The following REXO5 variants were observed in gnomAD, a reference collection of about 807,000 sequenced individuals.
REXO5 encodes RNA exonuclease 5.
Under a neutral mutation model 88.5 loss-of-function variants are expected in REXO5, and 48 were observed. The observed-to-expected ratio is 0.54, with a 90% CI of 0.43 to 0.69. The LOEUF (loss-of-function observed/expected upper bound fraction) is 0.69. Ranked by LOEUF, REXO5 falls within the 30% of genes least tolerant of loss-of-function variation. The pLI is 0.00. For synonymous variants in REXO5, 311 were observed against 336.5 expected, an observed-to-expected ratio of 0.92 and a Z score of 0.83; for missense variants, 749 against 912.2, an observed-to-expected ratio of 0.82 and a Z score of 2.30.
chr16:20,840,084 T>C, intron 14 of REXO5: 1 of 527,010 alleles, frequency 1.9e-6, no homozygotes, highest in Non-Finnish European at 3.3e-6. Context: ...CATCTTTCTG[T>C]ATCACTACAT....
At chr16:20,841,674 G>A (rs1456352170) in intron 15 of REXO5, among the ~76,000 whole-genome samples, 2 of 151,782 alleles carry the variant, frequency 1.3e-5, no homozygotes, top group Admixed American at 6.6e-5. Flanking sequence ...GTGCCATCTT[G>A]GCTCACCACA....
chr16:20,808,134 A>T (rs2080935311), intron 2 of REXO5, among the ~76,000 whole-genome samples: 1 of 152,122 alleles, frequency 6.6e-6, no homozygotes, highest in Non-Finnish European at 1.5e-5. Context: ...AATGCACTTG[A>T]ATCACCCCGA....
chr16:20,845,681 A>G (rs892880772), intron 18 of REXO5, among the ~76,000 whole-genome samples: 4 of 152,096 alleles, frequency 2.6e-5, no homozygotes, highest in Non-Finnish European at 5.9e-5. Flanking sequence ...AAAGTATACA[A>G]TAACTACATT....
Position 20,825,980 on chromosome 16 carries a change from G to GCC in REXO5, c.821+32_821+33insCC, listed in dbSNP as rs747615498. Reference sequence around the variant, plus strand: ...TTCACCTTGCCTGCAGCTCTTCTAAGAGCTATCGGGCTAGAATGGAATAAT... The same window carrying GCC: ...TTCACCTTGCCTGCAGCTCTTCTAAGCCAGCTATCGGGCTAGAATGGAATAAT... On this transcript the variant is annotated intron_variant, in intron 8 of 19. Transcript: ENST00000261377. The GCC allele has an allele frequency of 1.3e-4, 181 of 1,406,476 alleles. 1 individual carries two copies. In the Admixed American group the frequency reaches 3.1e-3, roughly 24 times the overall value. The allele number at this position is 1,406,476 out of a possible 1,614,324, so 87.1% of individuals were successfully genotyped here. A position where few individuals can be genotyped will look rare whatever the true frequency, so the allele number is the denominator to read the frequency against.
At chr16:20,833,819 T>G (rs2081384160) in intron 13 of REXO5, among the ~76,000 whole-genome samples, 1 of 152,236 alleles carries the variant, frequency 6.6e-6, no homozygotes, top group Non-Finnish European at 1.5e-5. Flanking sequence ...TTATTTTATA[T>G]AACCACATCT....
intron 2 of REXO5, among the ~76,000 whole-genome samples, chr16:20,810,648 G>A (rs2080983562): frequency 6.6e-6 from 1 of 152,082 alleles, no homozygotes; most frequent in Non-Finnish European, 1.5e-5. Flanking sequence ...TGCCCACCTC[G>A]GCTTCGCAAA....
chr16:20,821,956 T>C, intron 6 of REXO5, 54 bp downstream of exon 6: 1 of 1,449,128 alleles, frequency 6.9e-7, no homozygotes, highest in Admixed American at 2.6e-5. Flanking sequence ...TCTAACAGCT[T>C]ATTTAAATAC....
chr16:20,845,299 T>C (rs912542430), intron 18 of REXO5, 58 bp downstream of exon 18: 1 of 1,433,294 alleles, frequency 7.0e-7, no homozygotes, highest in Admixed American at 2.4e-5. Context: ...CAGTGACACT[T>C]AATCCTTTAA....
rs2152497190 is a variant in REXO5, at chr16:20,806,595, C to T, written c.-113C>T. ...CGCCCGTCTTCTCTTCTGCGTTTCCCGGGCTAGGGGGCGTGGGGAGTGGTT... is the reference window on the plus strand; with the variant it reads ...CGCCCGTCTTCTCTTCTGCGTTTCCTGGGCTAGGGGGCGTGGGGAGTGGTT... On this transcript the variant is annotated 5_prime_UTR_variant, in exon 1 of 20. Coordinates refer to ENST00000261377, the MANE Select transcript of REXO5 (RefSeq NM_030941.3). The T allele has an allele frequency of 9.7e-6, 14 of 1,440,666 alleles. No individual in the cohort carries two copies. In the South Asian group the frequency reaches 1.4e-4, roughly 14 times the overall value. 89.2% of individuals were successfully genotyped at this position (1,440,666 alleles called of 1,614,324 possible).
At chr16:20,806,764 G>A in intron 1 of REXO5, 59 bp downstream of exon 1, 2 of 1,065,220 alleles carry the variant, frequency 1.9e-6, no homozygotes, top group South Asian at 1.7e-5. Flanking sequence ...TCCAGTCCGC[G>A]GAACGGGGAG....
At chr16:20,818,743 G>T (rs2081119721) in intron 5 of REXO5, among the ~76,000 whole-genome samples, 2 of 152,188 alleles carry the variant, frequency 1.3e-5, no homozygotes. Context: ...AATGCTGAAA[G>T]TACAGGCGTG....
At chr16:20,808,612 A>AT (rs751042762) in intron 2 of REXO5, among the ~76,000 whole-genome samples, 2,983 of 108,392 alleles carry the variant, frequency 0.028, 93 homozygotes, top group African/African-American at 0.045. Flanking sequence ...TAGGGATGTG[A>AT]TTTTTTTTTT....
At chr16:20,820,526 ATATATATATATATATATATTTTTTT>A (rs1596578073) in intron 5 of REXO5, among the ~76,000 whole-genome samples, 4 of 5,836 alleles carry the variant, frequency 6.9e-4, no homozygotes, top group African/African-American at 3.3e-3. Context: ...ATATATATAT[ATATATATATATATATATATTTTTTT>A]TTTTTTTTTT....
chr16:20,807,039 C>G lies in REXO5; in HGVS notation c.86C>G (p.Ala29Gly), dbSNP rs2080892647. ...GCCCCAAATAAGCTGGTCGGGGCAG[C>G]TGAGGCGATGAAAGCCGGTTGGGAT... The part of the protein sequence containing the change: ...RQAPNKLVGA[A>G]EAMKAGWDLE... The change falls in exon 2 of 20, where the codon GCT becomes GGT. Residue 29 changes from alanine (A) to glycine (G), a missense_variant. Coordinates refer to ENST00000261377, the MANE Select transcript of REXO5 (RefSeq NM_030941.3). 1.2e-6 allele frequency: 2 copies of G among 1,604,158 alleles called. No individual in the cohort carries two copies. The highest frequency in any genetic ancestry group is 1.7e-6 in the Non-Finnish European group (2 of 1,176,182).
intron 5 of REXO5, among the ~76,000 whole-genome samples, chr16:20,816,900 G>A (rs550372284): frequency 6.6e-6 from 1 of 152,370 alleles, no homozygotes; most frequent in African/African-American, 2.4e-5. Context: ...ACTACTCACA[G>A]TGAAGAATAG....
At chr16:20,830,958 AT>A (rs1165090080) in intron 11 of REXO5, among the ~76,000 whole-genome samples, 1 of 144,474 alleles carries the variant, frequency 6.9e-6, no homozygotes, top group African/African-American at 2.6e-5. Context: ...AAGCCATTAT[AT>A]GTTAACACAA....
intron 13 of REXO5, 94 bp from the exon 14 acceptor site, chr16:20,839,661 A>G: frequency 1.4e-6 from 1 of 740,424 alleles, no homozygotes; most frequent in Non-Finnish European, 2.1e-6. Flanking sequence ...ATGCGTAAAA[A>G]GACAACTACT....
rs1199366254 is a variant in REXO5 at position 20,845,080 on chromosome 16, C to T, written c.1963C>T (p.Gln655Ter). 8 of 1,613,930 alleles carry T rather than the reference C, an allele frequency of 5.0e-6. No individual in the cohort carries two copies. Among genetic ancestry groups the T allele is most frequent in the Non-Finnish European group, 6.8e-6 (8 of 1,179,986 alleles). Reference sequence around the variant, plus strand: ...ATTCAAAAGTTTTGGCAGTGCCCAGCAGGCCCTCAACATTCTCACAGGCAA... The same window carrying T: ...ATTCAAAAGTTTTGGCAGTGCCCAGTAGGCCCTCAACATTCTCACAGGCAA... ...LKFKSFGSAQ[Q>*]ALNILTGKDW... The change falls in exon 18 of 20, where the codon CAG becomes TAG. Residue 655 changes from glutamine (Q) to a stop codon, truncating the protein, a stop_gained. Transcript: ENST00000261377. LOFTEE classifies it high-confidence loss of function.
chr16:20,831,443 CTTAA>C (rs1475875255), intron 11 of REXO5, among the ~76,000 whole-genome samples: 1 of 151,966 alleles, frequency 6.6e-6, no homozygotes, highest in African/African-American at 2.4e-5. Context: ...TAAGCATGGG[CTTAA>C]TTAATAATAA....
Sources: allele counts gnomAD v4.1 joint callset (sites outside exome capture counted in the v4.1 genomes callset), GRCh38; gene constraint gnomAD v4.1.1; transcripts MANE v1.5; gene names NCBI Gene and HGNC (gene_info 2026-07-23, HGNC 2026-07-21).